The following RBM27 variants were observed in gnomAD, a reference collection of about 807,000 sequenced individuals.
RBM27 encodes RNA-binding protein 27.
RBM27 carries 22 observed loss-of-function variants against 135.3 expected under a neutral mutation model. The observed-to-expected ratio is 0.16, with a 90% CI of 0.12 to 0.23. RBM27 has a LOEUF of 0.23. RBM27 is among the 10% of genes least tolerant of loss of function. The pLI, the probability that RBM27 is intolerant of heterozygous loss-of-function variation, is 1.00. For missense variants in RBM27, 1,009 were observed against 1,281.0 expected (o/e 0.79, Z 3.24); for synonymous variants, 481 against 442.4 (o/e 1.09, Z -1.10).
At chr5:146,280,121 C>G (rs993381918) in intron 19 of RBM27, among the ~76,000 whole-genome samples, 1 of 151,436 alleles carries the variant, frequency 6.6e-6, no homozygotes, top group Non-Finnish European at 1.5e-5. Flanking sequence ...TGCAGTGGTA[C>G]GATCTCAGCT....
At position 146,271,605 on chromosome 5, in the gene RBM27, T is replaced by C; in HGVS notation, c.2919T>C (p.His973=). Residue 973 remains histidine (H), a synonymous_variant, in exon 19 of 21, where the codon CAT becomes CAC. Coordinates refer to ENST00000265271, the MANE Select transcript of RBM27 (RefSeq NM_018989.2). The stretch of plus-strand genomic sequence containing the variant: ...CACTAAATCACATGGTGGTGGACCA[T>C]CGTCCCAAAGCACTAACAGTTGGAG... ...RGSLNHMVVD[H]RPKALTVGGF... is the part of the protein sequence containing the mutation. 1 of 1,614,018 alleles carries C rather than the reference T, an allele frequency of 6.2e-7. No homozygotes were observed. The highest frequency in any genetic ancestry group is 1.3e-5 in the African/African-American group (1 of 75,044).
At chr5:146,234,556 A>G (rs1757079658) in intron 7 of RBM27, among the ~76,000 whole-genome samples, 1 of 152,170 alleles carries the variant, frequency 6.6e-6, no homozygotes. Context: ...CACATCCAGC[A>G]AAATTAGGAG....
chr5:146,261,873 C>G, intron 13 of RBM27, 67 bp downstream of exon 13: 2 of 1,531,410 alleles, frequency 1.3e-6, no homozygotes, highest in East Asian at 4.5e-5. Context: ...TTTTCAATTC[C>G]TGGTCCTTGG....
chr5:146,205,128 C>T (rs952549331), intron 1 of RBM27, among the ~76,000 whole-genome samples: 23 of 152,224 alleles, frequency 1.5e-4, no homozygotes, highest in African/African-American at 5.5e-4. Context: ...GAACTCCTGA[C>T]TTCAGGTGAT....
intron 6 of RBM27, among the ~76,000 whole-genome samples, chr5:146,232,577 C>CTT (rs993693250): frequency 6.7e-6 from 1 of 148,362 alleles, no homozygotes; most frequent in African/African-American, 2.5e-5. Flanking sequence ...TTTTTTTTCT[C>CTT]TTTTTTTTTT....
In RBM27 at chr5:146,284,589, C is replaced by G. The variant is rs371474658; in HGVS notation, c.2989-33C>G. 3.5e-5 allele frequency: 48 copies of G among 1,384,978 alleles called. No individual in the cohort carries two copies. In the African/African-American group the frequency reaches 6.0e-4, roughly 17 times the overall value. 85.8% of individuals were successfully genotyped at this position (1,384,978 alleles called of 1,614,324 possible). A position where few individuals can be genotyped will look rare whatever the true frequency, so the allele number is the denominator to read the frequency against. On this transcript the variant is annotated intron_variant, in intron 19 of 20. Coordinates refer to ENST00000265271, the MANE Select transcript of RBM27 (RefSeq NM_018989.2). The stretch of plus-strand genomic sequence containing the variant: ...CAGAAATCATTAGTAAATTTGAGTG[C>G]AAACTTGTATGTTCTTCTAATATAT...
intron 19 of RBM27, among the ~76,000 whole-genome samples, chr5:146,280,510 T>A (rs1759292409): frequency 6.6e-6 from 1 of 152,222 alleles, no homozygotes; most frequent in Non-Finnish European, 1.5e-5. Context: ...ACATTTCCAA[T>A]ACCCCAATCT....
intron 1 of RBM27, among the ~76,000 whole-genome samples, chr5:146,207,929 G>C (rs1755766193): frequency 7.1e-6 from 1 of 139,982 alleles, no homozygotes; most frequent in Non-Finnish European, 1.5e-5. Context: ...ACAGGCATGA[G>C]CCACCACACC....
intron 1 of RBM27, among the ~76,000 whole-genome samples, chr5:146,208,339 A>G (rs1038611203): frequency 1.3e-5 from 2 of 152,184 alleles, no homozygotes; most frequent in Admixed American, 1.3e-4. Flanking sequence ...ATTAGAGCTT[A>G]TCTGTTACCT....
rs754307398 is a variant in RBM27 at position 146,237,314 on chromosome 5, A to G, written c.1161A>G (p.Gln387=). The change falls in exon 8 of 21, where the codon CAA becomes CAG. Residue 387 remains glutamine, a synonymous_variant. Transcript: ENST00000265271. ...TGTATGTAGGACCACCTATAACACA[A>G]TCAAGCTTGATAAACAGCCGTGACC... ...VLPIPRPPIT[Q]SSLINSRDQP... 1.5e-5 allele frequency: 24 copies of G among 1,614,136 alleles called. 1 individual carries two copies. The highest frequency in any genetic ancestry group is 7.7e-5 in the South Asian group (7 of 91,080).
intron 1 of RBM27, among the ~76,000 whole-genome samples, chr5:146,212,301 G>A (rs549166047): frequency 1.2e-4 from 18 of 151,910 alleles, no homozygotes; most frequent in South Asian, 6.2e-4. Context: ...TGATCCACCC[G>A]CCTTGGCCTC....
At chr5:146,233,859 G>C in intron 7 of RBM27, 116 bp downstream of exon 7, 1 of 663,432 alleles carries the variant, frequency 1.5e-6, no homozygotes, top group Non-Finnish European at 2.2e-6. Flanking sequence ...AATATAATTT[G>C]GAATATATTC....
rs764514143 is a variant in RBM27, at chr5:146,229,891, G to T, written c.570G>T (p.Arg190=). 11 of 1,613,830 alleles carry T rather than the reference G, an allele frequency of 6.8e-6. No individual in the cohort carries two copies. Among genetic ancestry groups the T allele is most frequent in the Non-Finnish European group, 9.3e-6 (11 of 1,179,852 alleles). The change falls in exon 5 of 21, where the codon CGG becomes CGT. Residue 190 remains arginine (R), a synonymous_variant. Transcript: ENST00000265271. ...RSRSRGRSKD[R]DPNRNVEHRE... Reference sequence around the variant, plus strand: ...GAAGTAGGGGGCGCAGCAAAGACCGGGATCCAAATAGGAATGTTGGTGAGT... The same window carrying T: ...GAAGTAGGGGGCGCAGCAAAGACCGTGATCCAAATAGGAATGTTGGTGAGT...
At position 146,237,396 on chromosome 5, in the gene RBM27, C is replaced by G. The variant is rs768969992; in HGVS notation, c.1243C>G (p.Pro415Ala). 6.2e-7 allele frequency: 1 copy of G among 1,614,028 alleles called. No homozygotes were observed. The highest frequency in any genetic ancestry group is 1.7e-5 in the Admixed American group (1 of 60,022). Residue 415 changes from proline to alanine, a missense_variant, in exon 8 of 21, where the codon CCT becomes GCT. Around this residue, in one of 6 missense-constraint regions of RBM27, gnomAD observed 329 missense variants for 368.1 expected, o/e 0.89. Coordinates refer to ENST00000265271, the MANE Select transcript of RBM27 (RefSeq NM_018989.2). ...LASVGTRLPP[P>A]LPQNLLYTVS... ...ATCAGTGGGAACAAGACTACCTCCT[C>G]CTTTACCCCAGAACCTCCTTTACAC...
At chr5:146,246,864 GTTTT>G (rs1280123997) in intron 8 of RBM27, among the ~76,000 whole-genome samples, 1 of 135,142 alleles carries the variant, frequency 7.4e-6, no homozygotes. Flanking sequence ...TAGTGCTGTG[GTTTT>G]TTTTTTTTTT....
chr5:146,259,317 A>ACC (rs900002922), intron 11 of RBM27, among the ~76,000 whole-genome samples: 15 of 151,554 alleles, frequency 9.9e-5, no homozygotes, highest in African/African-American at 3.6e-4. Flanking sequence ...GGAGTTCGAG[A>ACC]CCAGCCTGAC....
chr5:146,239,658 T>G (rs1348784252), intron 8 of RBM27, among the ~76,000 whole-genome samples: 2 of 151,732 alleles, frequency 1.3e-5, no homozygotes, highest in African/African-American at 4.8e-5. Context: ...TTTTGTATTT[T>G]GGGTAGAGAT....
At chr5:146,275,787 A>G (rs779366408) in intron 19 of RBM27, among the ~76,000 whole-genome samples, 18 of 152,230 alleles carry the variant, frequency 1.2e-4, no homozygotes, top group Admixed American at 2.0e-4. Context: ...GCTAGATACA[A>G]CAGGAAAAGT....
rs149156774 is a variant in RBM27, at chr5:146,225,965, C to T, written c.303+2438C>T. ...GCAACCTCTACCTTTCAGGTTCAGG[C>T]GATTATTCTGCTTCAGCCTCCTGGG... On this transcript the variant is annotated intron_variant, in intron 3 of 20. Coordinates refer to ENST00000265271, the MANE Select transcript of RBM27 (RefSeq NM_018989.2). Among the ~76,000 whole-genome samples the T allele has an allele frequency of 4.8e-4, 72 of 151,224 alleles. No individual in the cohort carries two copies. In the East Asian group the frequency reaches 0.01, roughly 22 times the overall value.
Sources: allele counts gnomAD v4.1 joint callset (sites outside exome capture counted in the v4.1 genomes callset), GRCh38; gene constraint gnomAD v4.1.1; regional missense constraint gnomAD v4.1.1; transcripts MANE v1.5; gene names NCBI Gene and HGNC (gene_info 2026-07-23, HGNC 2026-07-21).